Variants in WT1 observed in about 807,000 individuals in gnomAD.
WT1 encodes Wilms tumor protein.
A neutral mutation model predicts 60.8 loss-of-function variants in WT1; 8 were observed. The observed-to-expected ratio is 0.13, with a 90% CI of 0.08 to 0.24. WT1 has a LOEUF of 0.24. WT1 is among the 10% of genes least tolerant of loss of function. The probability of loss-of-function intolerance (pLI) is 1.00; values close to 1 mark genes in which losing one functional copy is unlikely to be tolerated. For missense variants in WT1, 568 were observed against 711.8 expected (o/e 0.80, Z 2.30); for synonymous variants, 312 against 297.1 (o/e 1.05, Z -0.52).
chr11:32,419,997 A>G (rs1455518337), intron 3 of WT1, among the ~76,000 whole-genome samples: 4 of 152,106 alleles, frequency 2.6e-5, no homozygotes, highest in African/African-American at 4.8e-5. Context: ...CCTGGCCAAT[A>G]TTTTTAATGG....
chr11:32,394,227 A>C (rs906234483), intron 7 of WT1, among the ~76,000 whole-genome samples: 1 of 152,046 alleles, frequency 6.6e-6, no homozygotes, highest in African/African-American at 2.4e-5. Context: ...TTGGTGCCTT[A>C]TGTTTCACCT....
In WT1 at chr11:32,428,610, G is replaced by C; in HGVS notation, c.671C>G (p.Thr224Arg). 1 of 1,613,464 alleles carries C rather than the reference G, an allele frequency of 6.2e-7. No homozygotes were observed. Among genetic ancestry groups the C allele is most frequent in the East Asian group, 2.2e-5 (1 of 44,872 alleles). ...GCTGGGCGTCCCGTCGAAGGTGACC[G>C]TGCTGTAACCTGCGGGAGCGGCGGA... Residue 224 changes from threonine to arginine, a missense_variant, in exon 2 of 10, where the codon ACG (threonine) becomes AGG (arginine). Around this residue, in one of 3 missense-constraint regions of WT1, gnomAD observed 523 missense variants for 565.1 expected, o/e 0.93. Transcript: ENST00000452863.
intron 1 of WT1, chr11:32,430,448 G>C: frequency 7.7e-7 from 1 of 1,306,804 alleles, no homozygotes. Flanking sequence ...GAGAGAGAGA[G>C]AGGGAGGGAG....
chr11:32,416,687 C>A (rs1341889247), intron 4 of WT1, 147 bp from the exon 5 acceptor site: 2 of 1,007,562 alleles, frequency 2.0e-6, no homozygotes, highest in Non-Finnish European at 1.5e-6. Context: ...TCCCCAGTCC[C>A]ACTGGGGCCA....
At chr11:32,413,838 T>C (rs1437668432) in intron 5 of WT1, among the ~76,000 whole-genome samples, 1 of 152,168 alleles carries the variant, frequency 6.6e-6, no homozygotes, top group Non-Finnish European at 1.5e-5. Flanking sequence ...GAAGCTCTAA[T>C]CTAGGGCCCA....
intron 5 of WT1, among the ~76,000 whole-genome samples, chr11:32,414,338 T>C (rs971333711): frequency 2.0e-5 from 3 of 152,212 alleles, no homozygotes; most frequent in African/African-American, 7.2e-5. Context: ...AGTGGCCTGA[T>C]CTTGGCTCAC....
chr11:32,392,907 T>C (rs753483677), intron 7 of WT1, 152 bp from the exon 8 acceptor site: 1 of 680,630 alleles, frequency 1.5e-6, no homozygotes, highest in Non-Finnish European at 2.6e-6. Context: ...ACTTGCAAGT[T>C]ACAAATGAAT....
At chr11:32,432,467 C>T (rs912568901) in intron 1 of WT1, among the ~76,000 whole-genome samples, 15 of 152,232 alleles carry the variant, frequency 9.9e-5, no homozygotes, top group Non-Finnish European at 5.9e-5. Flanking sequence ...ATCCAAGCTG[C>T]CCAATGAGCC....
intron 5 of WT1, among the ~76,000 whole-genome samples, chr11:32,413,877 A>G (rs1191394876): frequency 6.6e-6 from 1 of 152,208 alleles, no homozygotes; most frequent in Non-Finnish European, 1.5e-5. Context: ...AACTGATTCC[A>G]ACATGGCTCT....
intron 5 of WT1, among the ~76,000 whole-genome samples, chr11:32,405,354 G>T (rs1331442218): frequency 6.6e-6 from 1 of 151,974 alleles, no homozygotes; most frequent in Admixed American, 6.6e-5. Context: ...GCGAATAATT[G>T]AAATTTTAAA....
intron 3 of WT1, among the ~76,000 whole-genome samples, chr11:32,426,750 A>G (rs935046441): frequency 6.6e-6 from 1 of 152,226 alleles, no homozygotes; most frequent in South Asian, 2.1e-4. Flanking sequence ...GAAGGGGCGC[A>G]TCCCTGCACC....
intron 7 of WT1, among the ~76,000 whole-genome samples, chr11:32,395,135 A>G (rs1304474942): frequency 6.6e-6 from 1 of 152,258 alleles, no homozygotes; most frequent in Non-Finnish European, 1.5e-5. Context: ...GTCCAAGGAA[A>G]TCTGAATGCA....
At chr11:32,389,588 G>A (rs1483687918) in intron 9 of WT1, among the ~76,000 whole-genome samples, 2 of 152,146 alleles carry the variant, frequency 1.3e-5, no homozygotes, top group African/African-American at 4.8e-5. Flanking sequence ...AAGCCTCTGG[G>A]TCATCTACCC....
chr11:32,400,898 T>A (rs958225570), intron 5 of WT1, among the ~76,000 whole-genome samples: 1 of 152,206 alleles, frequency 6.6e-6, no homozygotes. Context: ...AGAGCTCTTA[T>A]GAAATAGCTC....
intron 1 of WT1, among the ~76,000 whole-genome samples, chr11:32,429,625 T>C (rs1853201465): frequency 6.6e-6 from 1 of 152,156 alleles, no homozygotes; most frequent in African/African-American, 2.4e-5. Flanking sequence ...AGATACGTCA[T>C]TGGCCCCGGA....
rs545244341 is a variant in WT1 at position 32,406,632 on chromosome 11, T to A, written c.1017-6588A>T. Among the ~76,000 whole-genome samples the A allele has an allele frequency of 9.6e-4, 144 of 150,542 alleles. 2 individuals are homozygous for A. The East Asian group carries it at 0.022, about 23-fold the overall frequency. On this transcript the variant is annotated intron_variant, in intron 5 of 9. Coordinates refer to ENST00000452863, the MANE Select transcript of WT1 (RefSeq NM_024426.6). ...AGTTTACCCTCCACCAAAAAAAAAATATATATATTTATTTCTATTGAACTG... is the reference window on the plus strand; with the variant it reads ...AGTTTACCCTCCACCAAAAAAAAAAAATATATATTTATTTCTATTGAACTG...
At chr11:32,414,946 A>G (rs1852618405) in intron 5 of WT1, among the ~76,000 whole-genome samples, 1 of 152,154 alleles carries the variant, frequency 6.6e-6, no homozygotes, top group Non-Finnish European at 1.5e-5. Flanking sequence ...GACCAATGAA[A>G]ACTCTTCTCA....
intron 9 of WT1, among the ~76,000 whole-genome samples, chr11:32,389,612 G>A (rs1352007877): frequency 1.3e-5 from 2 of 152,164 alleles, no homozygotes; most frequent in Admixed American, 6.5e-5. Flanking sequence ...GTATTACTGA[G>A]TGATCACTGT....
intron 5 of WT1, among the ~76,000 whole-genome samples, chr11:32,410,954 G>A (rs1239965077): frequency 1.3e-5 from 2 of 152,096 alleles, no homozygotes; most frequent in African/African-American, 2.4e-5. Context: ...ACAGGCAGAA[G>A]GATAAATGGT....
Sources: allele counts gnomAD v4.1 joint callset (sites outside exome capture counted in the v4.1 genomes callset), GRCh38; gene constraint gnomAD v4.1.1; regional missense constraint gnomAD v4.1.1; transcripts MANE v1.5; gene names NCBI Gene and HGNC (gene_info 2026-07-23, HGNC 2026-07-21).